Variants in SUCO observed in about 807,000 individuals in gnomAD.
The protein encoded by SUCO is SUN domain containing ossification factor, also known as SUN domain-containing ossification factor.
A neutral mutation model predicts 148.1 loss-of-function variants in SUCO; 57 were observed. That is an observed-to-expected ratio of 0.38 (90% CI 0.31 to 0.48). SUCO has a LOEUF of 0.48. Ranked by LOEUF, SUCO falls within the 20% of genes least tolerant of loss-of-function variation. The pLI, the probability that SUCO is intolerant of heterozygous loss-of-function variation, is 0.96. For missense variants in SUCO, 1,331 were observed against 1,468.2 expected, an observed-to-expected ratio of 0.91 and a Z score of 1.53; for synonymous variants, 470 against 502.7, an observed-to-expected ratio of 0.93 and a Z score of 0.87.
At chr1:172,543,645 G>C (rs1468932770) in intron 1 of SUCO, among the ~76,000 whole-genome samples, 1 of 152,046 alleles carries the variant, frequency 6.6e-6, no homozygotes, top group Non-Finnish European at 1.5e-5. Context: ...GAAAATTTAA[G>C]ACCCAATCCT....
upstream of SUCO, chr1:172,532,890 C>T: frequency 6.8e-7 from 1 of 1,465,468 alleles, no homozygotes; most frequent in Non-Finnish European, 9.1e-7. Flanking sequence ...CTGGGGCGGG[C>T]GGAGCGGCGA....
intron 9 of SUCO, among the ~76,000 whole-genome samples, chr1:172,573,468 C>A (rs1444931519): frequency 6.6e-6 from 1 of 152,062 alleles, no homozygotes; most frequent in Non-Finnish European, 1.5e-5. Flanking sequence ...AGGTGGACAT[C>A]TGAAGCCTTG....
chr1:172,605,793 T>A (rs1291180872), intron 22 of SUCO, among the ~76,000 whole-genome samples: 1 of 151,830 alleles, frequency 6.6e-6, no homozygotes, highest in African/African-American at 2.4e-5. Flanking sequence ...GCAGTCCTTA[T>A]AGCTTTTATT....
rs1656467118 is a variant in SUCO at position 172,589,365 on chromosome 1, A to G, written c.2264A>G (p.Tyr755Cys). ...PKIEVSESVE[Y>C]EAGHIPSPVI... The stretch of plus-strand genomic sequence containing the variant: ...ATAGAAGTATCTGAGTCTGTTGAAT[A>G]TGAGGCAGGACATATACCATCACCA... The change falls in exon 18 of 24, where the codon TAT becomes TGT. Residue 755 changes from tyrosine (Y) to cysteine (C), a missense_variant. Tyr to Cys is a radical substitution (Grantham distance 194). This residue lies in a region of SUCO where 992 missense variants were observed against 1,093.5 expected (regional missense o/e 0.91). Coordinates refer to ENST00000263688, the MANE Select transcript of SUCO (RefSeq NM_014283.5). The G allele has an allele frequency of 6.2e-7, 1 of 1,613,778 alleles. No individual in the cohort carries two copies. The highest frequency in any genetic ancestry group is 8.5e-7 in the Non-Finnish European group (1 of 1,179,852).
intron 1 of SUCO, among the ~76,000 whole-genome samples, chr1:172,543,368 T>G (rs554646280): frequency 6.6e-6 from 1 of 152,364 alleles, no homozygotes; most frequent in African/African-American, 2.4e-5. Flanking sequence ...ACAAAACTAC[T>G]GTCACTTGTG....
chr1:172,585,763 TTTTTC>T (rs1313539139), intron 16 of SUCO, 90 bp from the exon 17 acceptor site: 8 of 892,510 alleles, frequency 9.0e-6, no homozygotes, highest in Admixed American at 5.3e-5. Context: ...CTATTTGGCT[TTTTTC>T]TTCTCTTCCA....
At position 172,533,236 on chromosome 1, in the gene SUCO, C is replaced by T. The variant is rs1037169540; in HGVS notation, c.-200C>T. ...CGGTCCCCGGAGTCCTGTGAAGCGC[C>T]CCTGTCCGCGCCTCTGTGGGGCCCT... is the stretch of plus-strand genomic sequence containing the variant. On this transcript the variant is annotated 5_prime_UTR_variant, in exon 1 of 24. Coordinates refer to ENST00000263688, the MANE Select transcript of SUCO (RefSeq NM_014283.5). 5.8e-6 allele frequency: 9 copies of T among 1,546,364 alleles called. No homozygotes were observed. Among genetic ancestry groups the T allele is most frequent in the Non-Finnish European group, 7.0e-6 (8 of 1,146,032 alleles).
intron 3 of SUCO, 124 bp from the exon 4 acceptor site, chr1:172,555,744 CT>C (rs1653697879): frequency 1.0e-5 from 8 of 787,102 alleles, no homozygotes; most frequent in Non-Finnish European, 1.1e-5. Context: ...TATAAAAGTA[CT>C]TTTTTTAGTG....
upstream of SUCO, chr1:172,533,014 G>A (rs925292497): frequency 1.4e-6 from 2 of 1,424,292 alleles, no homozygotes; most frequent in East Asian, 5.0e-5. Context: ...GCGGGACTTG[G>A]GTGACGCGTC....
At chr1:172,534,696 T>G (rs1033250052) in intron 1 of SUCO, among the ~76,000 whole-genome samples, 5 of 152,222 alleles carry the variant, frequency 3.3e-5, no homozygotes, top group African/African-American at 1.2e-4. Flanking sequence ...ACTTACTGTG[T>G]TGGGTACGGA....
Position 172,605,934 on chromosome 1 carries a change from A to T in SUCO, c.3266-2813A>T, listed in dbSNP as rs182003343. Among the ~76,000 whole-genome samples, 9 of 151,640 alleles carry T rather than the reference A, an allele frequency of 5.9e-5. No individual in the cohort carries two copies. In the South Asian group the frequency reaches 8.3e-4, roughly 14 times the overall value. On this transcript the variant is annotated intron_variant, in intron 22 of 23. Coordinates refer to ENST00000263688, the MANE Select transcript of SUCO (RefSeq NM_014283.5). ...ATTGCTAAGATTGTATTTGTCATAG[A>T]TGTTTTGTGGATTTTTTATTCTGTA...
chr1:172,595,710 T>C (rs1444589859), intron 19 of SUCO, among the ~76,000 whole-genome samples: 1 of 152,182 alleles, frequency 6.6e-6, no homozygotes, highest in East Asian at 1.9e-4. Flanking sequence ...GCCCTTAATA[T>C]TTTTTCCTTC....
intron 1 of SUCO, among the ~76,000 whole-genome samples, chr1:172,540,759 A>C (rs977233777): frequency 2.0e-5 from 3 of 152,120 alleles, no homozygotes; most frequent in Non-Finnish European, 4.4e-5. Flanking sequence ...GTGCATGTGT[A>C]TGTCTGTCTG....
intron 15 of SUCO, among the ~76,000 whole-genome samples, chr1:172,582,853 T>C (rs962840291): frequency 6.6e-6 from 1 of 152,130 alleles, no homozygotes; most frequent in African/African-American, 2.4e-5. Context: ...ATAAATAATA[T>C]TTTAAAAGGG....
At chr1:172,541,538 G>A (rs909925304) in intron 1 of SUCO, among the ~76,000 whole-genome samples, 39 of 152,216 alleles carry the variant, frequency 2.6e-4, no homozygotes, top group African/African-American at 9.4e-4. Flanking sequence ...ATAAAGAACA[G>A]GGTACAATAA....
At chr1:172,597,808 T>TAA (rs1553278383) in intron 19 of SUCO, among the ~76,000 whole-genome samples, 2 of 152,188 alleles carry the variant, frequency 1.3e-5, no homozygotes, top group Non-Finnish European at 2.9e-5. Context: ...GAGGAGGCCT[T>TAA]ATACTGCGGA....
chr1:172,604,083 C>T (rs541448516), intron 22 of SUCO, among the ~76,000 whole-genome samples: 32 of 152,008 alleles, frequency 2.1e-4, no homozygotes, highest in Admixed American at 1.6e-3. Flanking sequence ...CTATCAGCTG[C>T]GTATGAGAGT....
At chr1:172,570,558 C>T (rs1251801934) in intron 8 of SUCO, 105 bp from the exon 9 acceptor site, 1 of 767,494 alleles carries the variant, frequency 1.3e-6, no homozygotes, top group Non-Finnish European at 2.2e-6. Context: ...CTTAGGTGTA[C>T]TTAAGATCTA....
chr1:172,568,200 T>C (rs764685250), intron 6 of SUCO: 42 of 625,776 alleles, frequency 6.7e-5, no homozygotes, highest in African/African-American at 1.4e-4. Context: ...TTCAGAAAAG[T>C]TGTGGACCAC....
Sources: allele counts gnomAD v4.1 joint callset (sites outside exome capture counted in the v4.1 genomes callset), GRCh38; gene constraint gnomAD v4.1.1; regional missense constraint gnomAD v4.1.1; transcripts MANE v1.5; gene names NCBI Gene and HGNC (gene_info 2026-07-23, HGNC 2026-07-21).